The following LINGO2 variants were observed in gnomAD, a reference collection of about 807,000 sequenced individuals.
The protein encoded by LINGO2 is leucine rich repeat and Ig domain containing 2.
Under a neutral mutation model 30.6 loss-of-function variants are expected in LINGO2, and 14 were observed. The observed-to-expected ratio is 0.46, with a 90% CI of 0.30 to 0.72. The LOEUF (loss-of-function observed/expected upper bound fraction) is 0.72. Among genes scored for constraint, LINGO2 ranks in the 30% least tolerant of loss-of-function variants. The probability of loss-of-function intolerance (pLI) is 0.07; values close to 1 mark genes in which losing one functional copy is unlikely to be tolerated. For missense variants in LINGO2, 729 were observed against 751.7 expected (o/e 0.97, Z 0.35); for synonymous variants, 317 against 288.5 (o/e 1.10, Z -1.00).
chr9:28,214,928 G>C lies in LINGO2; in HGVS notation c.-87+80280C>G, dbSNP rs960255342. Among the ~76,000 whole-genome samples, 16 of 151,724 alleles carry C rather than the reference G, an allele frequency of 1.1e-4. No individual in the cohort carries two copies. The East Asian group carries it at 2.9e-3, about 28-fold the overall frequency. ...ATATATTCCAAAACTCTAAAAACTG[G>C]TGTTTAAATGTGAGCACCAGAGGGA... On this transcript the variant is annotated intron_variant, in intron 4 of 5. Coordinates refer to ENST00000379992, the Ensembl canonical transcript of LINGO2.
At chr9:28,107,385 C>T (rs912750518) in intron 4 of LINGO2, among the ~76,000 whole-genome samples, 7 of 152,092 alleles carry the variant, frequency 4.6e-5, no homozygotes, top group African/African-American at 9.6e-5. Flanking sequence ...TTTGAAATTT[C>T]ATATTTTGGG....
At chr9:28,364,654 C>G (rs1000133387) in intron 3 of LINGO2, among the ~76,000 whole-genome samples, 4 of 152,288 alleles carry the variant, frequency 2.6e-5, no homozygotes, top group Admixed American at 2.6e-4. Context: ...TAAACTTAGA[C>G]TCTTGTATTG....
At chr9:29,072,033 T>G in the LINGO2 span, among the ~76,000 whole-genome samples, 15 of 152,276 alleles carry the variant, frequency 9.9e-5, no homozygotes, top group South Asian at 2.7e-3. Context: ...ATTAAAATCA[T>G]GGATTCTGAA....
Position 28,378,083 on chromosome 9 carries a change from C to T in LINGO2, c.-278-5215G>A, listed in dbSNP as rs1380319026. Among the ~76,000 whole-genome samples the T allele has an allele frequency of 3.9e-5, 6 of 152,298 alleles. No homozygotes were observed. The East Asian group carries it at 1.2e-3, about 29-fold the overall frequency. On this transcript the variant is annotated intron_variant, in intron 2 of 5. Coordinates refer to ENST00000379992, the Ensembl canonical transcript of LINGO2. ...TTCTATTTAAGCATTTGTGGCATCA[C>T]TGGTTTACTCAGGTTATGCCACCAC...
At chr9:27,944,219 A>C (rs1405732935), downstream of LINGO2, 1 of 152,120 alleles carries the variant, frequency 6.6e-6, no homozygotes, top group African/African-American at 2.4e-5. Context: ...AGAGTCGAAA[A>C]CCTGTCATTA....
chr9:29,052,026 TTGA>T, the LINGO2 span, among the ~76,000 whole-genome samples: 5 of 152,154 alleles, frequency 3.3e-5, no homozygotes, highest in Admixed American at 3.3e-4. Flanking sequence ...TACGAAATTG[TTGA>T]TGTTTGACAA....
At chr9:28,344,702 A>T (rs889224494) in intron 3 of LINGO2, among the ~76,000 whole-genome samples, 1 of 151,082 alleles carries the variant, frequency 6.6e-6, no homozygotes, top group African/African-American at 2.4e-5. Flanking sequence ...CTAGTAAAAA[A>T]TATCCACTCT....
intron 1 of LINGO2, among the ~76,000 whole-genome samples, chr9:28,503,978 T>G (rs535966506): frequency 6.6e-6 from 1 of 152,002 alleles, no homozygotes; most frequent in South Asian, 2.1e-4. Flanking sequence ...CTCCTGAAAT[T>G]TAGTGGATAC....
At chr9:28,937,119 A>T in the LINGO2 span, among the ~76,000 whole-genome samples, 7,294 of 152,176 alleles carry the variant, frequency 0.048, 598 homozygotes, top group African/African-American at 0.17. Context: ...GACCTTCAAC[A>T]TATGGATTTG....
intron 4 of LINGO2, among the ~76,000 whole-genome samples, chr9:28,273,027 T>A (rs1822995900): frequency 6.6e-6 from 1 of 152,184 alleles, no homozygotes; most frequent in East Asian, 1.9e-4. Context: ...CCTTATGTAT[T>A]TTTTAGTTCC....
chr9:28,137,875 TA>T (rs1827562669), intron 4 of LINGO2, among the ~76,000 whole-genome samples: 1 of 152,164 alleles, frequency 6.6e-6, no homozygotes, highest in Non-Finnish European at 1.5e-5. Flanking sequence ...GCTCAGCACA[TA>T]AAAGTTTATG....
intron 1 of LINGO2, among the ~76,000 whole-genome samples, chr9:28,558,021 A>T (rs376862231): frequency 6.8e-6 from 1 of 147,084 alleles, no homozygotes; most frequent in African/African-American, 2.5e-5. Context: ...GGGGAGGGAT[A>T]GCATTGGGAG....
At chr9:28,512,587 A>ATG (rs372948351) in intron 1 of LINGO2, among the ~76,000 whole-genome samples, 2 of 111,226 alleles carry the variant, frequency 1.8e-5, no homozygotes, top group African/African-American at 8.2e-5. Context: ...CAGGATATAT[A>ATG]TGTGTGTATA....
chr9:28,252,852 G>A (rs1440646432), intron 4 of LINGO2, among the ~76,000 whole-genome samples: 2 of 151,970 alleles, frequency 1.3e-5, no homozygotes. Flanking sequence ...CTATACAGTG[G>A]TTATCAAGCT....
At chr9:28,212,055 G>C (rs1351044364) in intron 4 of LINGO2, among the ~76,000 whole-genome samples, 8 of 151,298 alleles carry the variant, frequency 5.3e-5, no homozygotes, top group Admixed American at 5.3e-4. Flanking sequence ...ATAATGAAAG[G>C]AATATGTATT....
the LINGO2 span, among the ~76,000 whole-genome samples, chr9:29,163,687 A>T: frequency 1.2e-3 from 185 of 152,366 alleles, 1 homozygote; most frequent in African/African-American, 4.4e-3. Flanking sequence ...ATCCCCATTG[A>T]GAAGACAGCC....
intron 3 of LINGO2, among the ~76,000 whole-genome samples, chr9:28,328,201 G>T (rs1220896826): frequency 4.6e-5 from 7 of 152,138 alleles, no homozygotes; most frequent in Admixed American, 3.9e-4. Context: ...CCATTCTCAG[G>T]TAAGCAAAAT....
chr9:28,353,468 A>T (rs10968530), intron 3 of LINGO2, among the ~76,000 whole-genome samples: 54,293 of 151,518 alleles, frequency 0.36, 11,169 homozygotes, highest in Non-Finnish European at 0.45. Context: ...ATCTCACACC[A>T]GTTAGAATGG....
At chr9:28,031,747 G>C (rs1212278770) in intron 4 of LINGO2, among the ~76,000 whole-genome samples, 2 of 152,200 alleles carry the variant, frequency 1.3e-5, no homozygotes, top group African/African-American at 2.4e-5. Flanking sequence ...ACCTCTGCCA[G>C]CTCCCTTTCA....
Sources: allele counts gnomAD v4.1 joint callset (sites outside exome capture counted in the v4.1 genomes callset), GRCh38; gene constraint gnomAD v4.1.1; transcripts MANE v1.5; gene names NCBI Gene and HGNC (gene_info 2026-07-23, HGNC 2026-07-21).